SLC49A4: variants seen among roughly 807,000 people sequenced by gnomAD.
The protein encoded by SLC49A4 is solute carrier family 49 member 4, also known as disrupted in renal cancer protein 2.
Under a neutral mutation model 50.6 loss-of-function variants are expected in SLC49A4, and 36 were observed. That is an observed-to-expected ratio of 0.71 (90% CI 0.55 to 0.94). The LOEUF is 0.94. Among genes scored for constraint, SLC49A4 ranks in the 40% least tolerant of loss-of-function variants. The probability of loss-of-function intolerance (pLI) is 0.00; values close to 1 mark genes in which losing one functional copy is unlikely to be tolerated. For synonymous variants in SLC49A4, 248 were observed against 241.2 expected (o/e 1.03, Z -0.26); for missense variants, 503 against 605.7 (o/e 0.83, Z 1.78).
At chr3:122,795,588 C>T in intron 1 of SLC49A4, 53 bp downstream of exon 1, 1 of 1,538,704 alleles carries the variant, frequency 6.5e-7, no homozygotes, top group Non-Finnish European at 8.7e-7. Flanking sequence ...GGAGCAGGCG[C>T]CTGCCCGCGC....
At chr3:122,874,508 C>T (rs1560244861) in intron 8 of SLC49A4, among the ~76,000 whole-genome samples, 1 of 152,190 alleles carries the variant, frequency 6.6e-6, no homozygotes, top group African/African-American at 2.4e-5. Flanking sequence ...CAGTTTCTGA[C>T]CACATGTTCT....
At chr3:122,820,917 T>C (rs1936439649) in intron 2 of SLC49A4, among the ~76,000 whole-genome samples, 2 of 152,332 alleles carry the variant, frequency 1.3e-5, no homozygotes, top group Non-Finnish European at 2.9e-5. Context: ...TTTGGCTGTG[T>C]CCCCACCCAA....
intron 5 of SLC49A4, among the ~76,000 whole-genome samples, chr3:122,851,610 AT>A (rs201638037): frequency 1.8e-3 from 278 of 151,920 alleles, no homozygotes; most frequent in Middle Eastern, 3.4e-3. Context: ...ACTAGGTGGC[AT>A]TTTTTTTCTA....
chr3:122,872,636 T>TGTAACA, intron 8 of SLC49A4, 39 bp downstream of exon 8: 1 of 1,471,952 alleles, frequency 6.8e-7, no homozygotes, highest in South Asian at 1.3e-5. Context: ...CTAAATGTGT[T>TGTAACA]ACAAGAAAAG....
chr3:122,870,928 C>T (rs1937190855), intron 7 of SLC49A4, among the ~76,000 whole-genome samples: 1 of 151,938 alleles, frequency 6.6e-6, no homozygotes, highest in Non-Finnish European at 1.5e-5. Context: ...TCCTAATGTA[C>T]CACTAATGAG....
chr3:122,837,812 T>C (rs1362637464), intron 4 of SLC49A4, among the ~76,000 whole-genome samples: 2 of 152,044 alleles, frequency 1.3e-5, no homozygotes, highest in African/African-American at 4.8e-5. Context: ...AACCTACTTA[T>C]CTGACAAAGG....
intron 1 of SLC49A4, among the ~76,000 whole-genome samples, chr3:122,804,185 A>G (rs938354318): frequency 6.6e-6 from 1 of 152,214 alleles, no homozygotes; most frequent in Admixed American, 6.5e-5. Flanking sequence ...GGGAGCAGCC[A>G]CATCACTTGG....
chr3:122,809,854 C>T (rs1354661738), intron 2 of SLC49A4, among the ~76,000 whole-genome samples: 1 of 152,172 alleles, frequency 6.6e-6, no homozygotes, highest in Non-Finnish European at 1.5e-5. Flanking sequence ...ATAAAGAATA[C>T]AGGAGTATTA....
intron 2 of SLC49A4, among the ~76,000 whole-genome samples, chr3:122,810,436 C>T (rs17279046): frequency 0.05 from 7,680 of 152,168 alleles, 265 homozygotes; most frequent in Middle Eastern, 0.11. Context: ...TTGCAATGAG[C>T]GCTATTACTC....
Position 122,860,059 on chromosome 3 carries a change from G to T in SLC49A4, c.1011-16G>T. ...TTTAAATCCCACTAGAATTAATAGAGCATTTTTGTTTTTAGGTTTGCAGAT... is the reference window on the plus strand; with the variant it reads ...TTTAAATCCCACTAGAATTAATAGATCATTTTTGTTTTTAGGTTTGCAGAT... On this transcript the variant is annotated splice_polypyrimidine_tract_variant and intron_variant, in intron 6 of 8. Coordinates refer to ENST00000261038, the MANE Select transcript of SLC49A4 (RefSeq NM_032839.3). 6.3e-7 allele frequency: 1 copy of T among 1,596,762 alleles called. No homozygotes were observed. The highest frequency in any genetic ancestry group is 1.7e-4 in the Middle Eastern group (1 of 5,992).
intron 2 of SLC49A4, among the ~76,000 whole-genome samples, chr3:122,822,285 A>T (rs1316697217): frequency 6.6e-6 from 1 of 152,214 alleles, no homozygotes; most frequent in Non-Finnish European, 1.5e-5. Context: ...AGCTTCTTTC[A>T]TAAGTGCTTA....
Position 122,805,506 on chromosome 3 carries a change from G to C in SLC49A4, c.344-1351G>C, listed in dbSNP as rs1936205613. Among the ~76,000 whole-genome samples, 3 of 151,812 alleles carry C rather than the reference G, an allele frequency of 2.0e-5. No homozygotes were observed. The South Asian group carries it at 6.2e-4, about 32-fold the overall frequency. Reference sequence around the variant, plus strand: ...ATGTACCCTCTGCAAAAAGAGAGGAGAGAGCCCTGGAAAAAAAGAAATATT... The same window carrying C: ...ATGTACCCTCTGCAAAAAGAGAGGACAGAGCCCTGGAAAAAAAGAAATATT... On this transcript the variant is annotated intron_variant, in intron 1 of 8. Coordinates refer to ENST00000261038, the MANE Select transcript of SLC49A4 (RefSeq NM_032839.3).
intron 1 of SLC49A4, among the ~76,000 whole-genome samples, chr3:122,804,545 C>T (rs1038037055): frequency 5.3e-5 from 8 of 152,226 alleles, no homozygotes; most frequent in African/African-American, 1.9e-4. Context: ...ATGAGGAAAG[C>T]ATTTTATTCA....
At chr3:122,879,016 G>A (rs1030518101) in intron 8 of SLC49A4, among the ~76,000 whole-genome samples, 3 of 151,926 alleles carry the variant, frequency 2.0e-5, no homozygotes, top group African/African-American at 4.8e-5. Flanking sequence ...AAGTCAAGGT[G>A]GATTAAATTG....
intron 2 of SLC49A4, among the ~76,000 whole-genome samples, chr3:122,826,283 T>G (rs1475679889): frequency 1.3e-5 from 2 of 152,206 alleles, no homozygotes; most frequent in African/African-American, 4.8e-5. Flanking sequence ...TATGAAATGT[T>G]GAGCTCAACT....
chr3:122,805,516 G>A (rs1560193420), intron 1 of SLC49A4, among the ~76,000 whole-genome samples: 3 of 151,974 alleles, frequency 2.0e-5, no homozygotes, highest in Non-Finnish European at 4.4e-5. Context: ...GAGAGCCCTG[G>A]AAAAAAAGAA....
rs755612239 is a variant in SLC49A4 at position 122,827,080 on chromosome 3, AT to A, written c.703+19del. ...GTTATATGCAGGTAATTTGAAGTTT[AT>A]TTTCTTCTTGTTATACTTTGTCTTT... On this transcript the variant is annotated intron_variant, in intron 3 of 8. Transcript: ENST00000261038. The A allele has an allele frequency of 2.6e-5, 41 of 1,593,612 alleles. No homozygotes were observed. In the African/African-American group the frequency reaches 4.4e-4, roughly 17 times the overall value.
chr3:122,876,388 T>G (rs1279160935), intron 8 of SLC49A4, among the ~76,000 whole-genome samples: 1 of 152,198 alleles, frequency 6.6e-6, no homozygotes, highest in Non-Finnish European at 1.5e-5. Flanking sequence ...ACTCAAAAGA[T>G]TCAGGGGCCT....
chr3:122,865,017 G>GA (rs1383137527), intron 7 of SLC49A4, among the ~76,000 whole-genome samples: 1 of 152,060 alleles, frequency 6.6e-6, no homozygotes, highest in Non-Finnish European at 1.5e-5. Flanking sequence ...CTTAAAAAAA[G>GA]AAAAATAAAA....
Sources: allele counts gnomAD v4.1 joint callset (sites outside exome capture counted in the v4.1 genomes callset), GRCh38; gene constraint gnomAD v4.1.1; transcripts MANE v1.5; gene names NCBI Gene and HGNC (gene_info 2026-07-23, HGNC 2026-07-21).